Variants in ERBB4 observed in about 807,000 individuals in gnomAD.
ERBB4 encodes erb-b2 receptor tyrosine kinase 4, also known as receptor tyrosine-protein kinase erbB-4.
ERBB4 carries 42 observed loss-of-function variants against 158.0 expected under a neutral mutation model. The observed-to-expected ratio is 0.27, with a 90% CI of 0.21 to 0.34. ERBB4 has a LOEUF of 0.34. ERBB4 is among the 10% of genes least tolerant of loss of function. ERBB4 has a pLI of 1.00. For missense variants in ERBB4, 1,333 were observed against 1,624.1 expected (o/e 0.82, Z 3.08); for synonymous variants, 583 against 558.7 (o/e 1.04, Z -0.61).
intron 1 of ERBB4, among the ~76,000 whole-genome samples, chr2:212,208,591 T>A (rs1469936936): frequency 6.6e-6 from 1 of 152,094 alleles, no homozygotes; most frequent in Non-Finnish European, 1.5e-5. Flanking sequence ...AAATGCAACA[T>A]AATAATGATG....
rs147653515 is a variant in ERBB4 at position 211,513,245 on chromosome 2, T to A, written c.2487+48658A>T. 5.4e-3 allele frequency among the ~76,000 whole-genome samples: 812 copies of A among 150,770 alleles called. 9 individuals are homozygous for A. The highest frequency in any genetic ancestry group is 0.017 in the African/African-American group (701 of 41,164). The stretch of plus-strand genomic sequence containing the variant: ...GTGAGAGTGCAATGGAAATAACAAA[T>A]CAGGCTGAGGCAGGAGAATGGCGTG... On this transcript the variant is annotated intron_variant, in intron 20 of 27. Coordinates refer to ENST00000342788, the MANE Select transcript of ERBB4 (RefSeq NM_005235.3).
At chr2:211,790,125 C>T (rs2076248351) in intron 3 of ERBB4, among the ~76,000 whole-genome samples, 2 of 152,140 alleles carry the variant, frequency 1.3e-5, no homozygotes, top group Admixed American at 1.3e-4. Flanking sequence ...AAATGGATTT[C>T]TACATTAATG....
rs532086045 is a variant in ERBB4, at chr2:212,238,753, T to G, written c.83-113850A>C. ...TTTTAAGCAACGAGTTTAAAAATTTTAATGGTAAATGATACAGCTATCAGC... is the reference window on the plus strand; with the variant it reads ...TTTTAAGCAACGAGTTTAAAAATTTGAATGGTAAATGATACAGCTATCAGC... On this transcript the variant is annotated intron_variant, in intron 1 of 27. Coordinates refer to ENST00000342788, the MANE Select transcript of ERBB4 (RefSeq NM_005235.3). 7.0e-4 allele frequency among the ~76,000 whole-genome samples: 107 copies of G among 152,288 alleles called. 1 individual carries two copies. Among genetic ancestry groups the G allele is most frequent in the African/African-American group, 2.5e-3 (103 of 41,580 alleles).
intron 2 of ERBB4, among the ~76,000 whole-genome samples, chr2:212,084,034 T>C (rs2078528076): frequency 6.6e-6 from 1 of 151,810 alleles, no homozygotes; most frequent in Non-Finnish European, 1.5e-5. Flanking sequence ...GGGAATATCA[T>C]CTACACAAAA....
chr2:212,423,081 A>T (rs1321159400), intron 1 of ERBB4, among the ~76,000 whole-genome samples: 1 of 152,136 alleles, frequency 6.6e-6, no homozygotes, highest in African/African-American at 2.4e-5. Context: ...GAAAAATGTA[A>T]AGTAATCTGT....
intron 1 of ERBB4, among the ~76,000 whole-genome samples, chr2:212,504,826 C>T (rs565000501): frequency 6.6e-6 from 1 of 152,212 alleles, no homozygotes; most frequent in South Asian, 2.1e-4. Flanking sequence ...ATCACCTTCT[C>T]TCCAAGCTAT....
intron 1 of ERBB4, among the ~76,000 whole-genome samples, chr2:212,163,749 T>C (rs1432485816): frequency 6.6e-6 from 1 of 151,976 alleles, no homozygotes; most frequent in African/African-American, 2.4e-5. Flanking sequence ...TCAGTATTAA[T>C]GCCATATTTT....
intron 2 of ERBB4, among the ~76,000 whole-genome samples, chr2:211,977,140 A>C (rs1308063392): frequency 6.6e-6 from 1 of 152,164 alleles, no homozygotes; most frequent in African/African-American, 2.4e-5. Flanking sequence ...TATGGTTAAT[A>C]AACTGATAAG....
chr2:212,030,171 T>A (rs926416564), intron 2 of ERBB4, among the ~76,000 whole-genome samples: 12 of 152,136 alleles, frequency 7.9e-5, no homozygotes, highest in African/African-American at 2.7e-4. Context: ...CGCACTTCCA[T>A]CTTCAATCCC....
Position 211,720,655 on chromosome 2 carries a change from G to A in ERBB4, c.883+1738C>T, listed in dbSNP as rs556281140. Among the ~76,000 whole-genome samples the A allele has an allele frequency of 5.9e-5, 9 of 152,068 alleles. No homozygotes were observed. In the South Asian group the frequency reaches 1.9e-3, roughly 32 times the overall value. On this transcript the variant is annotated intron_variant, in intron 7 of 27. Transcript: ENST00000342788. The stretch of plus-strand genomic sequence containing the variant: ...TACATGCTGAAAAATCCACTCTTTC[G>A]GTACACAAGCAAGATCTTTATCATT...
At chr2:212,247,626 A>C (rs1253382778) in intron 1 of ERBB4, among the ~76,000 whole-genome samples, 1 of 152,194 alleles carries the variant, frequency 6.6e-6, no homozygotes, top group African/African-American at 2.4e-5. Context: ...CCAAAAAACT[A>C]GTTTGTTTTC....
chr2:212,449,191 T>A (rs966922133), intron 1 of ERBB4, among the ~76,000 whole-genome samples: 5 of 152,166 alleles, frequency 3.3e-5, no homozygotes, highest in Non-Finnish European at 7.4e-5. Flanking sequence ...TATGTATTAC[T>A]TTGAAATGGA....
At chr2:212,488,318 CCTCTCTCTCT>C (rs67659068) in intron 1 of ERBB4, among the ~76,000 whole-genome samples, 5 of 115,778 alleles carry the variant, frequency 4.3e-5, no homozygotes, top group Non-Finnish European at 7.2e-5. Flanking sequence ...TTTCCTCGCT[CCTCTCTCTCT>C]CTCTCTCTCT....
intron 1 of ERBB4, among the ~76,000 whole-genome samples, chr2:212,402,253 A>G (rs2091228633): frequency 6.6e-6 from 1 of 152,128 alleles, no homozygotes; most frequent in African/African-American, 2.4e-5. Context: ...AAAAAAAGTC[A>G]ATCTCAAAGA....
At chr2:211,547,221 T>C (rs1028343356) in intron 20 of ERBB4, among the ~76,000 whole-genome samples, 5 of 152,102 alleles carry the variant, frequency 3.3e-5, no homozygotes, top group African/African-American at 1.2e-4. Context: ...GGAAACTTCC[T>C]GTGAATCTAC....
intron 19 of ERBB4, among the ~76,000 whole-genome samples, chr2:211,586,743 T>A (rs565297261): frequency 3.3e-5 from 5 of 152,174 alleles, no homozygotes; most frequent in Non-Finnish European, 7.4e-5. Flanking sequence ...GTAAAACTTA[T>A]GGATATGGAA....
intron 4 of ERBB4, among the ~76,000 whole-genome samples, chr2:211,780,965 T>G (rs1575139206): frequency 1.3e-5 from 2 of 152,316 alleles, no homozygotes; most frequent in African/African-American, 4.8e-5. Flanking sequence ...GTGTATACAT[T>G]TATGCAAAGT....
chr2:211,428,775 T>C (rs1559158752), intron 21 of ERBB4, among the ~76,000 whole-genome samples: 1 of 152,186 alleles, frequency 6.6e-6, no homozygotes, highest in Non-Finnish European at 1.5e-5. Context: ...TAGAGTGCAA[T>C]GGCACAATCT....
At chr2:211,472,005 G>C (rs13383927) in intron 20 of ERBB4, among the ~76,000 whole-genome samples, 3 of 151,854 alleles carry the variant, frequency 2.0e-5, no homozygotes, top group Non-Finnish European at 1.5e-5. Flanking sequence ...GATAATTCTG[G>C]AGCAGTAGGC....
Sources: allele counts gnomAD v4.1 joint callset (sites outside exome capture counted in the v4.1 genomes callset), GRCh38; gene constraint gnomAD v4.1.1; transcripts MANE v1.5; gene names NCBI Gene and HGNC (gene_info 2026-07-23, HGNC 2026-07-21).